The following FHIT variants were observed in gnomAD, a reference collection of about 807,000 sequenced individuals.
The protein encoded by FHIT is fragile histidine triad diadenosine triphosphatase, also known as bis(5'-adenosyl)-triphosphatase.
A neutral mutation model predicts 17.9 loss-of-function variants in FHIT; 19 were observed. That is an observed-to-expected ratio of 1.06 (90% CI 0.74 to 1.56). The LOEUF is 1.56. FHIT is among the 40% of genes most tolerant of loss of function. FHIT has a pLI of 0.00. For synonymous variants in FHIT, 81 were observed against 69.7 expected (o/e 1.16, Z -0.81); for missense variants, 248 against 189.2 (o/e 1.31, Z -1.82).
chr3:61,123,102 A>T (rs897037405), intron 2 of FHIT, among the ~76,000 whole-genome samples: 2 of 152,214 alleles, frequency 1.3e-5, no homozygotes, highest in African/African-American at 2.4e-5. Context: ...GAACCAACCC[A>T]AACGCCCATT....
intron 5 of FHIT, among the ~76,000 whole-genome samples, chr3:60,530,048 A>C (rs1313565048): frequency 1.3e-5 from 2 of 152,168 alleles, no homozygotes; most frequent in Non-Finnish European, 2.9e-5. Flanking sequence ...TTTCTCCTGT[A>C]ATGCATAATC....
chr3:60,706,474 G>T (rs1329214045), intron 4 of FHIT, among the ~76,000 whole-genome samples: 2 of 152,180 alleles, frequency 1.3e-5, no homozygotes, highest in Admixed American at 1.3e-4. Context: ...ATTCACAGTG[G>T]TGTTGAAAGA....
chr3:60,075,860 C>G (rs938726786), intron 5 of FHIT, among the ~76,000 whole-genome samples: 4 of 152,116 alleles, frequency 2.6e-5, no homozygotes, highest in African/African-American at 9.7e-5. Context: ...TGCCATACCT[C>G]TGAATCCTTA....
At chr3:60,000,561 C>T (rs1054839499) in intron 7 of FHIT, among the ~76,000 whole-genome samples, 1 of 152,052 alleles carries the variant, frequency 6.6e-6, no homozygotes, top group African/African-American at 2.4e-5. Context: ...TGAGTTCAAA[C>T]CCATCCTAAT....
At chr3:60,080,931 A>C (rs1433154389) in intron 5 of FHIT, 1 of 152,176 alleles carries the variant, frequency 6.6e-6, no homozygotes, top group Admixed American at 6.6e-5. Context: ...CTAGAGTTCT[A>C]GTCTCCTTTC....
chr3:60,917,777 T>C (rs1364852516), intron 3 of FHIT, among the ~76,000 whole-genome samples: 1 of 152,238 alleles, frequency 6.6e-6, no homozygotes, highest in Non-Finnish European at 1.5e-5. Context: ...CCTTATATCA[T>C]TTAACTCCAC....
chr3:60,306,197 G>A (rs1307536854), intron 5 of FHIT, among the ~76,000 whole-genome samples: 2 of 152,200 alleles, frequency 1.3e-5, no homozygotes, highest in Non-Finnish European at 2.9e-5. Context: ...TTTTGACTTT[G>A]TCTGACTTTT....
chr3:61,243,809 A>C (rs1479686951), intron 1 of FHIT, among the ~76,000 whole-genome samples: 1 of 152,194 alleles, frequency 6.6e-6, no homozygotes, highest in African/African-American at 2.4e-5. Context: ...AGACAAGCAC[A>C]GCAAGAGATA....
At chr3:60,170,461 G>A (rs1016449) in intron 5 of FHIT, among the ~76,000 whole-genome samples, 135,419 of 152,236 alleles carry the variant, frequency 0.89, 60,532 homozygotes, top group East Asian at 0.99. Context: ...TCCATCCCAC[G>A]TGAGTATAAA....
intron 5 of FHIT, among the ~76,000 whole-genome samples, chr3:60,158,774 A>G (rs1700815592): frequency 6.6e-6 from 1 of 152,148 alleles, no homozygotes; most frequent in Non-Finnish European, 1.5e-5. Flanking sequence ...GAGATATCCA[A>G]TCATAAAATT....
In FHIT at chr3:60,543,076, G is replaced by A. The variant is rs79337081; in HGVS notation, c.-17-6097C>T. Among the ~76,000 whole-genome samples the A allele has an allele frequency of 4.6e-3, 702 of 152,184 alleles. 7 individuals are homozygous for A. The highest frequency in any genetic ancestry group is 0.016 in the African/African-American group (658 of 41,512). ...TTCTGCTTCAGAGCCAGACGCTGTA[G>A]AACAAAGGTCGCACATTTTTGCACA... is the stretch of plus-strand genomic sequence containing the variant. On this transcript the variant is annotated intron_variant, in intron 4 of 9. Transcript: ENST00000492590.
chr3:59,996,112 C>T (rs1168452189), intron 7 of FHIT, among the ~76,000 whole-genome samples: 2 of 152,044 alleles, frequency 1.3e-5, no homozygotes, highest in Non-Finnish European at 2.9e-5. Context: ...TGAATAAAGA[C>T]GATGTGTGCT....
At chr3:60,059,584 C>G (rs1702219400) in intron 5 of FHIT, among the ~76,000 whole-genome samples, 1 of 152,174 alleles carries the variant, frequency 6.6e-6, no homozygotes, top group Admixed American at 6.5e-5. Context: ...TCCACTCCTG[C>G]TCTAAAACTT....
chr3:60,610,230 TATGTG>T (rs2107730436), intron 4 of FHIT, among the ~76,000 whole-genome samples: 1 of 152,338 alleles, frequency 6.6e-6, no homozygotes, highest in African/African-American at 2.4e-5. Flanking sequence ...AAGGGTAAGT[TATGTG>T]ATAAGTTTCC....
chr3:60,466,415 GAAT>G (rs1270116902), intron 5 of FHIT, among the ~76,000 whole-genome samples: 2 of 151,994 alleles, frequency 1.3e-5, no homozygotes, highest in African/African-American at 4.8e-5. Flanking sequence ...GTACTATGTT[GAAT>G]AACAGTGGTG....
rs192667507 is a variant in FHIT at position 60,014,176 on chromosome 3, C to A, written c.104-24G>T. 3.3e-3 allele frequency: 5,328 copies of A among 1,612,762 alleles called. 14 individuals carry two copies. Among genetic ancestry groups the A allele is most frequent in the Non-Finnish European group, 4.1e-3 (4,875 of 1,179,260 alleles). On this transcript the variant is annotated intron_variant, in intron 5 of 9. Transcript: ENST00000492590. ...ATCTGTAGCAAGGTCTGTTAAGGCC[C>A]ATGCTGCTGGCTTTGGGTAGTGTTC...
intron 3 of FHIT, among the ~76,000 whole-genome samples, chr3:60,961,995 G>A (rs569089077): frequency 1.9e-4 from 29 of 152,240 alleles, no homozygotes; most frequent in South Asian, 1.9e-3. Flanking sequence ...TGGGGATGGC[G>A]TTGAATCTAT....
chr3:59,777,458 T>C (rs772633668), intron 8 of FHIT, among the ~76,000 whole-genome samples: 3 of 152,090 alleles, frequency 2.0e-5, no homozygotes, highest in Non-Finnish European at 4.4e-5. Context: ...AGCTGGTTAC[T>C]CGAGCCAAAA....
At chr3:61,051,636 T>A (rs1260440643) in intron 2 of FHIT, among the ~76,000 whole-genome samples, 1 of 152,150 alleles carries the variant, frequency 6.6e-6, no homozygotes, top group Non-Finnish European at 1.5e-5. Context: ...GGTTGGCAAA[T>A]GACAGGCCCT....
Sources: allele counts gnomAD v4.1 joint callset (sites outside exome capture counted in the v4.1 genomes callset), GRCh38; gene constraint gnomAD v4.1.1; transcripts MANE v1.5; gene names NCBI Gene and HGNC (gene_info 2026-07-23, HGNC 2026-07-21).